Variants in EYS observed in about 807,000 individuals in gnomAD.
EYS encodes the protein EGF-like photoreceptor maintenance factor.
In EYS, 250 loss-of-function variants were observed where a neutral mutation model predicts 282.1. That is an observed-to-expected ratio of 0.89 (90% CI 0.80 to 0.98). The LOEUF is 0.98. Among genes scored for constraint, EYS ranks in the 50% least tolerant of loss-of-function variants. EYS has a pLI of 0.00. For synonymous variants in EYS, 1,355 were observed against 1,282.9 expected (o/e 1.06, Z -1.20); for missense variants, 4,016 against 3,709.0 (o/e 1.08, Z -2.15).
chr6:64,766,875 G>A (rs1393870400), intron 22 of EYS, among the ~76,000 whole-genome samples: 1 of 150,776 alleles, frequency 6.6e-6, no homozygotes, highest in Admixed American at 6.6e-5. Context: ...GGATGCTAAG[G>A]AGAGCAAAAG....
Position 65,335,058 on chromosome 6 carries a change from T to C in EYS, c.1688A>G (p.Tyr563Cys). 3 of 1,612,110 alleles carry C rather than the reference T, an allele frequency of 1.9e-6. No homozygotes were observed. The highest frequency in any genetic ancestry group is 2.5e-6 in the Non-Finnish European group (3 of 1,178,862). ...TTGATCATCAGTTGTATTTTCCAGA[T>C]ACATGTTGCCAGCCCATCTGAGAAA... ...LCFLRWAGNM[Y>C]LENTTDDQEN... is the part of the protein sequence containing the mutation. The change falls in exon 11 of 43, where the codon TAT (tyrosine) becomes TGT (cysteine). Residue 563 changes from tyrosine (Y) to cysteine (C), a missense_variant. By Grantham distance (194) the Tyr-to-Cys change is radical. Coordinates refer to ENST00000503581, the MANE Select transcript of EYS (RefSeq NM_001142800.2).
At chr6:64,742,051 T>G (rs1772392259) in intron 22 of EYS, among the ~76,000 whole-genome samples, 1 of 152,218 alleles carries the variant, frequency 6.6e-6, no homozygotes, top group Non-Finnish European at 1.5e-5. Context: ...GTCTTGACTT[T>G]CCATATGCCT....
At chr6:64,599,897 A>T (rs1301651288) in intron 24 of EYS, among the ~76,000 whole-genome samples, 1 of 152,134 alleles carries the variant, frequency 6.6e-6, no homozygotes, top group Non-Finnish European at 1.5e-5. Context: ...GTACTCTGAC[A>T]GTCTACTTAA....
chr6:65,171,751 AT>A (rs1459466592), intron 12 of EYS, among the ~76,000 whole-genome samples: 1 of 151,470 alleles, frequency 6.6e-6, no homozygotes. Context: ...AAGCTGGCAA[AT>A]TCCACCAGAG....
At chr6:64,075,140 G>A (rs1030005988) in intron 32 of EYS, among the ~76,000 whole-genome samples, 4 of 151,848 alleles carry the variant, frequency 2.6e-5, no homozygotes, top group Non-Finnish European at 5.9e-5. Context: ...CTCTTTCCTG[G>A]TTCCCCCTAA....
intron 26 of EYS, among the ~76,000 whole-genome samples, chr6:64,493,911 A>G (rs527524337): frequency 6.6e-6 from 1 of 151,536 alleles, no homozygotes; most frequent in East Asian, 2.0e-4. Context: ...TCCCCAATAC[A>G]TGGGTCCCAT....
intron 15 of EYS, among the ~76,000 whole-genome samples, chr6:64,913,247 A>T (rs997812059): frequency 6.6e-6 from 1 of 152,104 alleles, no homozygotes; most frequent in Non-Finnish European, 1.5e-5. Flanking sequence ...ATTTTTAAAA[A>T]TATATTTTCT....
At chr6:65,020,174 CGA>C (rs1295818853) in intron 13 of EYS, among the ~76,000 whole-genome samples, 1 of 152,098 alleles carries the variant, frequency 6.6e-6, no homozygotes, top group Non-Finnish European at 1.5e-5. Context: ...CATGCCCTTA[CGA>C]TAGTACCCCA....
At chr6:64,547,648 C>T (rs1054198102) in intron 26 of EYS, among the ~76,000 whole-genome samples, 21 of 152,236 alleles carry the variant, frequency 1.4e-4, no homozygotes, top group African/African-American at 5.1e-4. Context: ...AACTCAGGAG[C>T]CCAGCTGGCT....
chr6:64,841,383 A>G (rs976201657), intron 19 of EYS, among the ~76,000 whole-genome samples: 6 of 152,156 alleles, frequency 3.9e-5, no homozygotes, highest in Admixed American at 2.0e-4. Flanking sequence ...TGCAAGTGAA[A>G]TTACCATGAA....
chr6:64,957,692 A>G (rs546532419), intron 14 of EYS, among the ~76,000 whole-genome samples: 2 of 152,318 alleles, frequency 1.3e-5, no homozygotes, highest in South Asian at 4.1e-4. Flanking sequence ...TGCCTGTATC[A>G]AAACATCTCA....
intron 12 of EYS, among the ~76,000 whole-genome samples, chr6:65,266,987 TATAG>T (rs1767773643): frequency 8.4e-6 from 1 of 119,520 alleles, no homozygotes; most frequent in South Asian, 2.4e-4. Flanking sequence ...CATATATATA[TATAG>T]AGAGAGAGAG....
At position 63,956,380 on chromosome 6, in the gene EYS, C is replaced by T. The variant is rs189552155; in HGVS notation, c.7055+28003G>A. On this transcript the variant is annotated intron_variant, in intron 35 of 42. Transcript: ENST00000503581. Reference sequence around the variant, plus strand: ...TTTGACTATAATTTCCATTACCAACCCAAATCCTGTAAAACGGCCCACCTC... The same window carrying T: ...TTTGACTATAATTTCCATTACCAACTCAAATCCTGTAAAACGGCCCACCTC... Among the ~76,000 whole-genome samples, 4 of 152,210 alleles carry T rather than the reference C, an allele frequency of 2.6e-5. No individual in the cohort carries two copies. The East Asian group carries it at 7.7e-4, about 29-fold the overall frequency.
chr6:64,813,969 C>T (rs1179877918), intron 21 of EYS, among the ~76,000 whole-genome samples: 1 of 151,992 alleles, frequency 6.6e-6, no homozygotes, highest in Non-Finnish European at 1.5e-5. Flanking sequence ...ACTCTGCTCT[C>T]CTACGGTAAT....
At chr6:64,738,789 C>T (rs1463680027) in intron 22 of EYS, among the ~76,000 whole-genome samples, 1 of 152,090 alleles carries the variant, frequency 6.6e-6, no homozygotes, top group Non-Finnish European at 1.5e-5. Flanking sequence ...TGTAATTTTG[C>T]CCTTGTTGCC....
At chr6:63,767,851 A>G (rs1769834319) in intron 40 of EYS, among the ~76,000 whole-genome samples, 1 of 152,200 alleles carries the variant, frequency 6.6e-6, no homozygotes, top group Admixed American at 6.6e-5. Flanking sequence ...TAACCAAAAT[A>G]GCATGGCACT....
intron 11 of EYS, among the ~76,000 whole-genome samples, chr6:65,322,282 C>G (rs1425510899): frequency 6.6e-6 from 1 of 152,106 alleles, no homozygotes; most frequent in Non-Finnish European, 1.5e-5. Context: ...AAGTAGGACT[C>G]TGGGGTTTTA....
intron 29 of EYS, among the ~76,000 whole-genome samples, chr6:64,344,530 A>ATAAACTAGG (rs1206909881): frequency 1.3e-5 from 2 of 149,402 alleles, no homozygotes; most frequent in Non-Finnish European, 3.0e-5. Context: ...AAAACTCTCA[A>ATAAACTAGG]TATTGATGGG....
At chr6:65,652,706 C>T (rs1344064401) in intron 1 of EYS, among the ~76,000 whole-genome samples, 1 of 151,710 alleles carries the variant, frequency 6.6e-6, no homozygotes, top group East Asian at 1.9e-4. Flanking sequence ...TTGAACTTTC[C>T]CCTAAAATAC....
Sources: allele counts gnomAD v4.1 joint callset (sites outside exome capture counted in the v4.1 genomes callset), GRCh38; gene constraint gnomAD v4.1.1; transcripts MANE v1.5; gene names NCBI Gene and HGNC (gene_info 2026-07-23, HGNC 2026-07-21).